The following SLC67A2 variants were observed in gnomAD, a reference collection of about 807,000 sequenced individuals.
SLC67A2 encodes the protein solute carrier family 67 member 2.
chr2:102,726,928 C>T, the SLC67A2 span: 1 of 1,613,568 alleles, frequency 6.2e-7, no homozygotes, highest in Non-Finnish European at 8.5e-7. Context: ...GAGTAGAATG[C>T]ATGCCAGCAA....
chr2:102,736,741 G>C, the SLC67A2 span: 1 of 1,613,870 alleles, frequency 6.2e-7, no homozygotes, highest in Non-Finnish European at 8.5e-7. Context: ...TTCTGCTCCT[G>C]TTTCCGCTCT....
chr2:102,718,229 G>A, the SLC67A2 span: 1 of 632,372 alleles, frequency 1.6e-6, no homozygotes. Context: ...TTCCCATGAG[G>A]TGCCGTGACT....
the SLC67A2 span, among the ~76,000 whole-genome samples, chr2:102,724,659 G>A: frequency 6.6e-6 from 1 of 152,168 alleles, no homozygotes; most frequent in Non-Finnish European, 1.5e-5. Context: ...ACACATAGTA[G>A]AAACTGAATA....
At chr2:102,723,898 G>A in the SLC67A2 span, 1 of 1,613,806 alleles carries the variant, frequency 6.2e-7, no homozygotes, top group Non-Finnish European at 8.5e-7. Flanking sequence ...GAGAGAGTGT[G>A]TTTAAAAATA....
At chr2:102,736,836 C>A in the SLC67A2 span, 1 of 1,581,590 alleles carries the variant, frequency 6.3e-7, no homozygotes, top group South Asian at 1.1e-5. Context: ...GGGTCGGACG[C>A]AGCAGCAGCC....
At chr2:102,728,947 G>A in the SLC67A2 span, among the ~76,000 whole-genome samples, 24 of 152,092 alleles carry the variant, frequency 1.6e-4, no homozygotes, top group Admixed American at 5.2e-4. Context: ...CTCAAAACAG[G>A]GGCTGACACA....
chr2:102,718,077 T>C, the SLC67A2 span: 1 of 211,874 alleles, frequency 4.7e-6, no homozygotes, highest in Non-Finnish European at 9.4e-6. Flanking sequence ...GTTCTCTTAT[T>C]CCACCACCAC....
the SLC67A2 span, among the ~76,000 whole-genome samples, chr2:102,732,671 A>G: frequency 3.9e-5 from 6 of 152,182 alleles, no homozygotes; most frequent in Non-Finnish European, 7.3e-5. Flanking sequence ...AAAAAACCCC[A>G]TATTTTCTGT....
the SLC67A2 span, among the ~76,000 whole-genome samples, chr2:102,722,825 A>C: frequency 6.6e-6 from 1 of 152,236 alleles, no homozygotes; most frequent in Non-Finnish European, 1.5e-5. Flanking sequence ...GCAAAGTGAA[A>C]AAGCAACCTG....
At chr2:102,719,984 C>G in the SLC67A2 span, among the ~76,000 whole-genome samples, 1 of 152,238 alleles carries the variant, frequency 6.6e-6, no homozygotes, top group African/African-American at 2.4e-5. Context: ...AACCGCCACT[C>G]AGATGATCCC....
chr2:102,736,322 G>A, the SLC67A2 span, among the ~76,000 whole-genome samples: 1 of 151,948 alleles, frequency 6.6e-6, no homozygotes, highest in Non-Finnish European at 1.5e-5. Flanking sequence ...CCTGTTCTCC[G>A]CCCTGCAAAA....
At chr2:102,729,736 C>T in the SLC67A2 span, among the ~76,000 whole-genome samples, 1 of 152,098 alleles carries the variant, frequency 6.6e-6, no homozygotes, top group African/African-American at 2.4e-5. Flanking sequence ...CTTAATTGGT[C>T]TTAATTTCCT....
At chr2:102,726,467 C>T in the SLC67A2 span, among the ~76,000 whole-genome samples, 5 of 152,146 alleles carry the variant, frequency 3.3e-5, no homozygotes, top group African/African-American at 1.2e-4. Flanking sequence ...GAGTGCCTGG[C>T]CCATGCTAAA....
chr2:102,730,900 G>A, the SLC67A2 span: 1 of 813,794 alleles, frequency 1.2e-6, no homozygotes, highest in Non-Finnish European at 2.0e-6. Context: ...AAAAAGCAGG[G>A]AATTGTAGGA....
the SLC67A2 span, chr2:102,718,895 C>T: frequency 4.8e-5 from 78 of 1,614,186 alleles, 2 homozygotes; most frequent in African/African-American, 4.3e-4. Flanking sequence ...CACCTTGGGC[C>T]GCACCCCAAA....
At chr2:102,718,596 AC>A in the SLC67A2 span, 1 of 1,612,838 alleles carries the variant, frequency 6.2e-7, no homozygotes, top group Admixed American at 1.7e-5. Flanking sequence ...GCAGTCACAG[AC>A]TGCCCCACGC....
chr2:102,719,228 C>T, the SLC67A2 span: 124 of 1,598,972 alleles, frequency 7.8e-5, no homozygotes, highest in South Asian at 9.1e-4. Flanking sequence ...GGCATGAGAC[C>T]GGTTAAAGCA....
At chr2:102,719,045 C>G in the SLC67A2 span, 1 of 1,614,234 alleles carries the variant, frequency 6.2e-7, no homozygotes. Flanking sequence ...TACTTCGACC[C>G]AGGGCTGGGC....
chr2:102,732,222 T>C, the SLC67A2 span: 7 of 1,040,418 alleles, frequency 6.7e-6, no homozygotes, highest in African/African-American at 1.6e-5. Flanking sequence ...CCCACTTACC[T>C]TTGGATAATA....
Sources: allele counts gnomAD v4.1 joint callset (sites outside exome capture counted in the v4.1 genomes callset), GRCh38; gene constraint gnomAD v4.1.1; transcripts MANE v1.5; gene names NCBI Gene and HGNC (gene_info 2026-07-23, HGNC 2026-07-21).